Variants in SLC6A16 observed in about 807,000 individuals in gnomAD.
SLC6A16 encodes the protein orphan sodium- and chloride-dependent neurotransmitter transporter NTT5.
Under a neutral mutation model 65.4 loss-of-function variants are expected in SLC6A16, and 54 were observed. The ratio of observed to expected loss-of-function variants is 0.83; its 90% CI spans 0.66 to 1.04. The LOEUF is 1.04. Ranked by LOEUF, SLC6A16 falls within the 50% of genes least tolerant of loss-of-function variation. The pLI is 0.00. For synonymous variants in SLC6A16, 330 were observed against 346.5 expected (o/e 0.95, Z 0.53); for missense variants, 816 against 914.0 (o/e 0.89, Z 1.38).
the SLC6A16 span, chr19:49,335,428 T>C: frequency 1.2e-6 from 1 of 808,742 alleles, no homozygotes; most frequent in East Asian, 2.4e-5. This position sits in a 1 kb window ranked among gnomAD's most constrained non-coding sequence, Gnocchi z 4.6. Context: ...TCTTCCTTTC[T>C]CTCTCAGCTC....
chr19:49,340,044 A>G, the SLC6A16 span: 2 of 1,494,724 alleles, frequency 1.3e-6, no homozygotes, highest in Non-Finnish European at 1.8e-6. Flanking sequence ...CTCAGCCTCT[A>G]CCCCCACTTG....
At chr19:49,326,698 A>C (rs1970801240), upstream of SLC6A16, among the ~76,000 whole-genome samples, 1 of 152,102 alleles carries the variant, frequency 6.6e-6, no homozygotes, top group Non-Finnish European at 1.5e-5. Context: ...TGAATCTCAA[A>C]TAATTACATG....
intron 1 of SLC6A16, among the ~76,000 whole-genome samples, chr19:49,319,218 G>C (rs556445666): frequency 8.6e-5 from 13 of 151,824 alleles, no homozygotes; most frequent in Admixed American, 2.6e-4. Context: ...ATATCAAATG[G>C]CCTAAAATGT....
the SLC6A16 span, chr19:49,335,688 C>T: frequency 6.2e-7 from 1 of 1,613,286 alleles, no homozygotes; most frequent in South Asian, 1.1e-5. The surrounding 1 kb of genome is among the most constrained non-coding windows in gnomAD (Gnocchi z 4.6). Flanking sequence ...GTGGCCCACC[C>T]CCGTATCCGC....
chr19:49,334,625 G>C, the SLC6A16 span, among the ~76,000 whole-genome samples: 2 of 151,948 alleles, frequency 1.3e-5, no homozygotes, highest in South Asian at 2.1e-4. Context: ...GAGTCCAGGA[G>C]TTCCAGACCA....
At chr19:49,335,486 C>G in the SLC6A16 span, 7 of 1,219,544 alleles carry the variant, frequency 5.7e-6, no homozygotes, top group East Asian at 1.4e-4. The surrounding 1 kb of genome is among the most constrained non-coding windows in gnomAD (Gnocchi z 4.6). Flanking sequence ...CTGTCTCCCC[C>G]ACTGTCAGCA....
the SLC6A16 span, chr19:49,339,201 TAG>T: frequency 1.2e-6 from 1 of 824,232 alleles, no homozygotes. The surrounding 1 kb of genome is among the most constrained non-coding windows in gnomAD (Gnocchi z 4.5). Context: ...GTAAGGAGAC[TAG>T]AGTGCCCTGG....
At chr19:49,340,088 C>G in the SLC6A16 span, 1 of 1,529,158 alleles carries the variant, frequency 6.5e-7, no homozygotes, top group Non-Finnish European at 8.8e-7. Flanking sequence ...GCCAGCCCTG[C>G]GGCAGTTCCC....
chr19:49,318,868 A>ATTTT lies in SLC6A16; in HGVS notation c.-65+6176_-65+6179dup, dbSNP rs71180618. ...CAGGTGTGCACCACCACAACTGGCT[A>ATTTT]TTTTTTTTTTTTTTTTTTTTTTTTA... On this transcript the variant is annotated intron_variant, in intron 1 of 11. Coordinates refer to ENST00000335875, the MANE Select transcript of SLC6A16 (RefSeq NM_014037.3). Among the ~76,000 whole-genome samples the ATTTT allele has an allele frequency of 1.3e-3, 140 of 104,562 alleles. 6 individuals are homozygous for ATTTT. In the East Asian group the frequency reaches 0.031, roughly 23 times the overall value. 68.6% of individuals were successfully genotyped at this position (104,562 alleles called of 152,430 possible).
At chr19:49,299,639 C>G (rs940526981) in intron 7 of SLC6A16, among the ~76,000 whole-genome samples, 3 of 144,930 alleles carry the variant, frequency 2.1e-5, no homozygotes, top group Non-Finnish European at 3.0e-5. Context: ...AGCTAGCAAT[C>G]TATATCCAGA....
chr19:49,339,495 T>G, the SLC6A16 span: 7 of 1,535,620 alleles, frequency 4.6e-6, no homozygotes, highest in South Asian at 7.9e-5. The surrounding 1 kb of genome is among the most constrained non-coding windows in gnomAD (Gnocchi z 4.5). Flanking sequence ...TTCGGTTGCC[T>G]GGGAAGGACG....
At position 49,290,033 on chromosome 19, in the gene SLC6A16, C is replaced by A; in HGVS notation, c.*90G>T. 7.3e-7 allele frequency: 1 copy of A among 1,368,216 alleles called. No homozygotes were observed. Among genetic ancestry groups the A allele is most frequent in the South Asian group, 1.4e-5 (1 of 73,872 alleles). The allele number at this position is 1,368,216 out of a possible 1,614,324, so 84.8% of individuals were successfully genotyped here. A position where few individuals can be genotyped will look rare whatever the true frequency, so the allele number is the denominator to read the frequency against. ...CTTGGAAATAAAAGTGGTTCTGGAT[C>A]CAGGGAGATCAACAGTTGCAAGCTG... On this transcript the variant is annotated 3_prime_UTR_variant, in exon 12 of 12. Coordinates refer to ENST00000335875, the MANE Select transcript of SLC6A16 (RefSeq NM_014037.3).
At chr19:49,298,188 C>T (rs116513513) in intron 7 of SLC6A16, among the ~76,000 whole-genome samples, 2,599 of 152,186 alleles carry the variant, frequency 0.017, 72 homozygotes, top group African/African-American at 0.059. Flanking sequence ...TAAAAGGTAC[C>T]TGTGCATTGG....
intron 9 of SLC6A16, 102 bp from the exon 10 acceptor site, chr19:49,293,484 G>T: frequency 8.8e-7 from 1 of 1,132,454 alleles, no homozygotes; most frequent in Non-Finnish European, 1.3e-6. Context: ...CCCAGTGGTA[G>T]CCGGGCGAGG....
rs1365808388 is a variant in SLC6A16 at position 49,310,180 on chromosome 19, A to G, written c.574-14T>C. 11 of 1,613,882 alleles carry G rather than the reference A, an allele frequency of 6.8e-6. No homozygotes were observed. The Admixed American group carries it at 1.5e-4, about 22-fold the overall frequency. On this transcript the variant is annotated splice_polypyrimidine_tract_variant and intron_variant, in intron 3 of 11. Coordinates refer to ENST00000335875, the MANE Select transcript of SLC6A16 (RefSeq NM_014037.3). ...GATGAAGCACACCTGGGGGCCAAGGAGGATATGGCTGGGGAGGAAGAGCAG... is the reference window on the plus strand; with the variant it reads ...GATGAAGCACACCTGGGGGCCAAGGGGGATATGGCTGGGGAGGAAGAGCAG...
At chr19:49,320,043 T>C (rs1411121459) in intron 1 of SLC6A16, among the ~76,000 whole-genome samples, 1 of 151,900 alleles carries the variant, frequency 6.6e-6, no homozygotes, top group African/African-American at 2.4e-5. Flanking sequence ...AAAACACACA[T>C]ACTAAAATTT....
upstream of SLC6A16, among the ~76,000 whole-genome samples, chr19:49,327,114 C>T (rs1027238858): frequency 6.6e-6 from 1 of 150,950 alleles, no homozygotes; most frequent in Non-Finnish European, 1.5e-5. Context: ...CACTTTGTCA[C>T]CCAGGCTGAA....
Position 49,294,565 on chromosome 19 carries a change from G to A in SLC6A16, c.1230-12C>T. The A allele has an allele frequency of 6.3e-7, 1 of 1,584,340 alleles. No homozygotes were observed. The highest frequency in any genetic ancestry group is 8.6e-7 in the Non-Finnish European group (1 of 1,166,702). ...GTATTTCAGCATTCCTGGGGATAGA[G>A]GGTTGAATCAAATCGAACCATTTGG... On this transcript the variant is annotated splice_polypyrimidine_tract_variant and intron_variant, in intron 7 of 11. Transcript: ENST00000335875.
chr19:49,305,569 G>T (rs1490220492), intron 7 of SLC6A16, among the ~76,000 whole-genome samples: 1 of 146,692 alleles, frequency 6.8e-6, no homozygotes, highest in Non-Finnish European at 1.5e-5. Flanking sequence ...TCCAGCCTGG[G>T]TGACAAAAGC....
Sources: allele counts gnomAD v4.1 joint callset (sites outside exome capture counted in the v4.1 genomes callset), GRCh38; gene constraint gnomAD v4.1.1; non-coding constraint Gnocchi (gnomAD v3.1); transcripts MANE v1.5; gene names NCBI Gene and HGNC (gene_info 2026-07-23, HGNC 2026-07-21).